The following MYO5A variants were observed in gnomAD, a reference collection of about 807,000 sequenced individuals.
MYO5A encodes the protein unconventional myosin-Va.
Under a neutral mutation model 249.7 loss-of-function variants are expected in MYO5A, and 98 were observed. That is an observed-to-expected ratio of 0.39 (90% CI 0.33 to 0.46). MYO5A has a LOEUF of 0.46. MYO5A is among the 20% of genes least tolerant of loss of function. The pLI is 0.98. For synonymous variants in MYO5A, 778 were observed against 810.6 expected (o/e 0.96, Z 0.68); for missense variants, 1,696 against 2,308.8 (o/e 0.73, Z 5.44).
intron 1 of MYO5A, among the ~76,000 whole-genome samples, chr15:52,496,176 G>A (rs1422530021): frequency 6.6e-6 from 1 of 152,136 alleles, no homozygotes; most frequent in African/African-American, 2.4e-5. Flanking sequence ...AGATTATAAG[G>A]ATATAGGTCC....
chr15:52,413,118 G>A (rs2043320509), intron 5 of MYO5A, among the ~76,000 whole-genome samples: 1 of 141,582 alleles, frequency 7.1e-6, no homozygotes, highest in Non-Finnish European at 1.5e-5. Flanking sequence ...TTGCACTGCA[G>A]CCTGGACAAC....
intron 1 of MYO5A, among the ~76,000 whole-genome samples, chr15:52,464,552 G>A (rs1227645378): frequency 6.6e-6 from 1 of 152,244 alleles, no homozygotes; most frequent in Non-Finnish European, 1.5e-5. Context: ...TAGCCAGAAA[G>A]CCTGTGAGGG....
chr15:52,474,751 G>A (rs1475766280), intron 1 of MYO5A, among the ~76,000 whole-genome samples: 2 of 152,192 alleles, frequency 1.3e-5, no homozygotes, highest in African/African-American at 2.4e-5. Flanking sequence ...GCTTGATCAT[G>A]GTGGATAAGC....
At chr15:52,496,396 C>T (rs2077038194) in intron 1 of MYO5A, among the ~76,000 whole-genome samples, 1 of 72,726 alleles carries the variant, frequency 1.4e-5, no homozygotes, top group South Asian at 5.5e-4. Context: ...TAAGCTTCCT[C>T]CCCTGGAAAC....
intron 3 of MYO5A, among the ~76,000 whole-genome samples, chr15:52,427,264 G>A (rs2075416407): frequency 1.3e-5 from 2 of 151,988 alleles, no homozygotes; most frequent in Admixed American, 6.6e-5. Flanking sequence ...TCTAAATGCT[G>A]AACTTACAAC....
chr15:52,405,254 C>G, intron 9 of MYO5A, 33 bp downstream of exon 9: 1 of 1,447,152 alleles, frequency 6.9e-7, no homozygotes, highest in Non-Finnish European at 9.7e-7. Flanking sequence ...CATAATTCAA[C>G]TGCCATCCCA....
rs1421666025 is a variant in MYO5A at position 52,379,700 on chromosome 15, A to G, written c.2133T>C (p.Arg711=). 3.7e-6 allele frequency: 6 copies of G among 1,614,164 alleles called. No homozygotes were observed. Among genetic ancestry groups the G allele is most frequent in the East Asian group, 2.2e-5 (1 of 44,888 alleles). ...WTYQEFFSRY[R]VLMKQKDVLS... is the part of the protein sequence containing the mutation. Reference sequence around the variant, plus strand: ...GCACATCTTTCTGCTTCATTAGGACACGGTAGCGGCTGAAAAATTCTTGGT... The same window carrying G: ...GCACATCTTTCTGCTTCATTAGGACGCGGTAGCGGCTGAAAAATTCTTGGT... Residue 711 remains arginine, a synonymous_variant, in exon 18 of 42, where the codon CGT becomes CGC. Coordinates refer to ENST00000399233, the MANE Select transcript of MYO5A (RefSeq NM_001382347.1).
chr15:52,313,915 T>C, intron 41 of MYO5A, 67 bp from the exon 42 acceptor site: 2 of 1,566,312 alleles, frequency 1.3e-6, no homozygotes, highest in South Asian at 1.1e-5. Context: ...TTTTTTCTAC[T>C]AAAATTTCTA....
chr15:52,527,859 T>C (rs1264900704), intron 1 of MYO5A, among the ~76,000 whole-genome samples: 1 of 152,248 alleles, frequency 6.6e-6, no homozygotes, highest in African/African-American at 2.4e-5. Flanking sequence ...AAGGCAACTC[T>C]ATTAACTGCA....
At chr15:52,321,292 G>A (rs2038298153) in intron 38 of MYO5A, 67 bp downstream of exon 38, 5 of 1,594,646 alleles carry the variant, frequency 3.1e-6, no homozygotes, top group South Asian at 2.2e-5. Context: ...ATGTGCCACT[G>A]GTGGCTACTT....
At chr15:52,405,188 T>A in intron 9 of MYO5A, 99 bp downstream of exon 9, 1 of 857,534 alleles carries the variant, frequency 1.2e-6, no homozygotes, top group Non-Finnish European at 1.9e-6. Flanking sequence ...TTTCTGATAA[T>A]ATTGATAGAG....
At chr15:52,409,607 G>A (rs570542325) in intron 6 of MYO5A, among the ~76,000 whole-genome samples, 1 of 152,208 alleles carries the variant, frequency 6.6e-6, no homozygotes, top group East Asian at 1.9e-4. Flanking sequence ...CAGTGTCAAG[G>A]GTATTTGAAC....
At chr15:52,345,837 G>C (rs2039595573) in intron 30 of MYO5A, among the ~76,000 whole-genome samples, 1 of 152,142 alleles carries the variant, frequency 6.6e-6, no homozygotes, top group Non-Finnish European at 1.5e-5. Context: ...CTGGGAAGGA[G>C]GGTGGTAGTA....
At chr15:52,353,684 TTTAA>T in intron 26 of MYO5A, 26 bp from the exon 27 acceptor site, 1 of 1,606,762 alleles carries the variant, frequency 6.2e-7, no homozygotes, top group Non-Finnish European at 8.5e-7. Flanking sequence ...AGTTTTATAT[TTTAA>T]TTGTCACATT....
At chr15:52,363,590 T>C (rs936724642) in intron 24 of MYO5A, among the ~76,000 whole-genome samples, 2 of 152,320 alleles carry the variant, frequency 1.3e-5, no homozygotes, top group East Asian at 1.9e-4. Context: ...TAGGTCCAGA[T>C]AGAAGCAAAA....
intron 16 of MYO5A, among the ~76,000 whole-genome samples, chr15:52,381,830 G>A (rs904856411): frequency 4.0e-5 from 6 of 151,806 alleles, no homozygotes; most frequent in African/African-American, 1.5e-4. Context: ...GGGAAGGGAA[G>A]GTGGTTAATC....
chr15:52,407,033 C>T (rs553626616), intron 8 of MYO5A, among the ~76,000 whole-genome samples: 1 of 152,226 alleles, frequency 6.6e-6, no homozygotes, highest in East Asian at 1.9e-4. Flanking sequence ...AATTTGCATA[C>T]CATAAAATTC....
Position 52,405,516 on chromosome 15 carries a change from G to A in MYO5A, c.947-123C>T. On this transcript the variant is annotated intron_variant, in intron 8 of 41. Transcript: ENST00000399233. The stretch of plus-strand genomic sequence containing the variant: ...TGCCAGATGTTGTGCATATTATAAT[G>A]TGTCATAGCTAACAACACTTTCATC... 4.0e-6 allele frequency: 3 copies of A among 751,626 alleles called. No individual in the cohort carries two copies. The East Asian group carries it at 8.1e-5, about 20-fold the overall frequency. The allele number at this position is 751,626 out of a possible 1,614,324, so 46.6% of individuals were successfully genotyped here. A position where few individuals can be genotyped will look rare whatever the true frequency, so the allele number is the denominator to read the frequency against.
At chr15:52,372,651 GCTGT>G (rs1371912881) in intron 20 of MYO5A, among the ~76,000 whole-genome samples, 9 of 152,142 alleles carry the variant, frequency 5.9e-5, no homozygotes, top group Admixed American at 5.9e-4. Flanking sequence ...AGAGTTGGAA[GCTGT>G]CTAAATAAAA....
Sources: gnomAD v4.1 joint callset for allele counts (sites outside exome capture counted in the v4.1 genomes callset) on GRCh38, gnomAD v4.1.1 for gene constraint, MANE v1.5 for transcripts, NCBI Gene and HGNC (gene_info 2026-07-23, HGNC 2026-07-21) for gene names.